Variants in CCSER1 observed in about 807,000 individuals in gnomAD.
CCSER1 encodes the protein serine-rich coiled-coil domain-containing protein 1.
In CCSER1, 41 loss-of-function variants were observed where a neutral mutation model predicts 82.0. That is an observed-to-expected ratio of 0.50 (90% CI 0.39 to 0.65). The LOEUF is 0.65. Ranked by LOEUF, CCSER1 falls within the 30% of genes least tolerant of loss-of-function variation. The pLI, the probability that CCSER1 is intolerant of heterozygous loss-of-function variation, is 0.00. For missense variants in CCSER1, 1,119 were observed against 1,064.2 expected (o/e 1.05, Z -0.72); for synonymous variants, 414 against 383.9 (o/e 1.08, Z -0.92).
chr4:90,709,382 C>G (rs1261860838), intron 6 of CCSER1, among the ~76,000 whole-genome samples: 2 of 151,994 alleles, frequency 1.3e-5, no homozygotes, highest in African/African-American at 4.8e-5. Context: ...ATCCCATCAC[C>G]TAGGTATTAA....
At chr4:90,136,140 T>C (rs1490234617) in intron 1 of CCSER1, among the ~76,000 whole-genome samples, 1 of 152,240 alleles carries the variant, frequency 6.6e-6, no homozygotes, top group Non-Finnish European at 1.5e-5. Context: ...GTAAGTTTTC[T>C]TCTCTAATTT....
At chr4:91,016,690 A>C (rs1739461229) in intron 9 of CCSER1, among the ~76,000 whole-genome samples, 1 of 152,114 alleles carries the variant, frequency 6.6e-6, no homozygotes, top group African/African-American at 2.4e-5. Flanking sequence ...ATACAAAAGG[A>C]AATTTCTGCT....
intron 5 of CCSER1, among the ~76,000 whole-genome samples, chr4:90,550,644 A>G (rs564663675): frequency 1.3e-5 from 2 of 152,324 alleles, no homozygotes; most frequent in African/African-American, 2.4e-5. Flanking sequence ...TTGTTCTTCA[A>G]TGTAACCTTA....
At chr4:91,308,902 GTT>G (rs1224340825) in intron 10 of CCSER1, among the ~76,000 whole-genome samples, 1 of 151,816 alleles carries the variant, frequency 6.6e-6, no homozygotes, top group East Asian at 1.9e-4. Context: ...AATGAATTAA[GTT>G]TACTTCTTAA....
At chr4:91,153,276 A>G (rs11722821) in intron 10 of CCSER1, among the ~76,000 whole-genome samples, 16,908 of 151,796 alleles carry the variant, frequency 0.11, 1,183 homozygotes, top group East Asian at 0.23. Context: ...TCAATTACTG[A>G]TACCCTTTCT....
intron 5 of CCSER1, among the ~76,000 whole-genome samples, chr4:90,620,873 G>A (rs552230268): frequency 6.6e-6 from 1 of 152,200 alleles, no homozygotes; most frequent in South Asian, 2.1e-4. Context: ...GAGTGCAGTG[G>A]CGCGATCTCA....
At position 90,492,583 on chromosome 4, in the gene CCSER1, C is replaced by G. The variant is rs190139730; in HGVS notation, c.1724+24229C>G. Among the ~76,000 whole-genome samples, 459 of 152,222 alleles carry G rather than the reference C, an allele frequency of 3.0e-3. 3 individuals are homozygous for G. The highest frequency in any genetic ancestry group is 0.011 in the African/African-American group (442 of 41,534). On this transcript the variant is annotated intron_variant, in intron 5 of 10. Transcript: ENST00000509176. Reference sequence around the variant, plus strand: ...TAGCTTTTGAATGTGTTTACTCTTGCTTCTCTAGTTGCTTTAATTGTGATG... The same window carrying G: ...TAGCTTTTGAATGTGTTTACTCTTGGTTCTCTAGTTGCTTTAATTGTGATG...
intron 10 of CCSER1, among the ~76,000 whole-genome samples, chr4:91,121,909 G>A (rs1727124538): frequency 6.6e-6 from 1 of 151,376 alleles, no homozygotes; most frequent in Admixed American, 6.6e-5. Flanking sequence ...ATCTATGGAT[G>A]TCAAAAGAAA....
At chr4:90,203,521 T>C (rs1382073220) in intron 1 of CCSER1, among the ~76,000 whole-genome samples, 1 of 152,208 alleles carries the variant, frequency 6.6e-6, no homozygotes, top group Non-Finnish European at 1.5e-5. Flanking sequence ...GCAAAGGACA[T>C]GACTTCATCC....
At chr4:90,658,964 CAT>C (rs1472293885) in intron 6 of CCSER1, among the ~76,000 whole-genome samples, 17 of 152,188 alleles carry the variant, frequency 1.1e-4, no homozygotes, top group South Asian at 4.1e-4. Flanking sequence ...TATACACACA[CAT>C]GTGATATTTT....
intron 4 of CCSER1, among the ~76,000 whole-genome samples, chr4:90,465,466 G>A (rs1469015633): frequency 3.3e-5 from 5 of 151,998 alleles, no homozygotes; most frequent in African/African-American, 9.6e-5. Context: ...GACTACAGAC[G>A]TGTGCCACCA....
intron 6 of CCSER1, among the ~76,000 whole-genome samples, chr4:90,632,090 T>G: frequency 6.6e-6 from 1 of 152,180 alleles, no homozygotes; most frequent in East Asian, 1.9e-4. Context: ...ACTTATGGCA[T>G]TTTAATGAAT....
At chr4:90,961,256 C>T (rs1163836090) in intron 9 of CCSER1, among the ~76,000 whole-genome samples, 1 of 152,128 alleles carries the variant, frequency 6.6e-6, no homozygotes, top group Non-Finnish European at 1.5e-5. Flanking sequence ...ATCCAGCATT[C>T]ATCAAATGTT....
chr4:91,594,356 C>T (rs985206479), intron 10 of CCSER1, among the ~76,000 whole-genome samples: 1 of 144,972 alleles, frequency 6.9e-6, no homozygotes, highest in Non-Finnish European at 1.5e-5. Context: ...CATATATATA[C>T]ACATATATAT....
intron 7 of CCSER1, among the ~76,000 whole-genome samples, chr4:90,746,828 T>G (rs1442518205): frequency 6.6e-6 from 1 of 152,228 alleles, no homozygotes; most frequent in African/African-American, 2.4e-5. Context: ...TGTCTTACTT[T>G]ACAGATAAGG....
intron 6 of CCSER1, among the ~76,000 whole-genome samples, chr4:90,644,241 G>A (rs1175982767): frequency 3.3e-5 from 5 of 152,110 alleles, no homozygotes; most frequent in African/African-American, 4.8e-5. Flanking sequence ...TGGGACACAA[G>A]TCTAAACACA....
At chr4:91,150,553 G>C (rs886566493) in intron 10 of CCSER1, among the ~76,000 whole-genome samples, 3 of 152,078 alleles carry the variant, frequency 2.0e-5, no homozygotes, top group African/African-American at 4.8e-5. Context: ...TCCCTGTCTT[G>C]TGTGCCAGTT....
At chr4:91,027,031 T>G (rs1462228595) in intron 9 of CCSER1, among the ~76,000 whole-genome samples, 2 of 152,090 alleles carry the variant, frequency 1.3e-5, no homozygotes, top group African/African-American at 4.8e-5. Flanking sequence ...AGCAGATTAT[T>G]TTCTCTTCAT....
intron 10 of CCSER1, among the ~76,000 whole-genome samples, chr4:91,153,194 A>G (rs1335627170): frequency 6.6e-6 from 1 of 151,948 alleles, no homozygotes; most frequent in Non-Finnish European, 1.5e-5. Flanking sequence ...TATTTCTTAG[A>G]GGCTTTGTTC....
Sources: allele counts gnomAD v4.1 joint callset (sites outside exome capture counted in the v4.1 genomes callset), GRCh38; gene constraint gnomAD v4.1.1; transcripts MANE v1.5; gene names NCBI Gene and HGNC (gene_info 2026-07-23, HGNC 2026-07-21).